CACNA1C: variants seen among roughly 807,000 people sequenced by gnomAD.
The protein encoded by CACNA1C is voltage-dependent L-type calcium channel subunit alpha-1C.
A neutral mutation model predicts 229.0 loss-of-function variants in CACNA1C; 30 were observed. That is an observed-to-expected ratio of 0.13 (90% CI 0.10 to 0.18). The LOEUF (loss-of-function observed/expected upper bound fraction) is 0.18. Ranked by LOEUF, CACNA1C falls within the 10% of genes least tolerant of loss-of-function variation. The probability of loss-of-function intolerance (pLI) is 1.00; values close to 1 mark genes in which losing one functional copy is unlikely to be tolerated. For missense variants in CACNA1C, 1,658 were observed against 2,845.0 expected (o/e 0.58, Z 9.49); for synonymous variants, 1,114 against 1,132.5 (o/e 0.98, Z 0.33).
intron 3 of CACNA1C, among the ~76,000 whole-genome samples, chr12:2,135,619 A>C (rs11062129): frequency 1.5e-5 from 2 of 134,418 alleles, no homozygotes; most frequent in South Asian, 2.3e-4. Flanking sequence ...TAGGCTGCTC[A>C]GGGGTCAGGG....
intron 3 of CACNA1C, among the ~76,000 whole-genome samples, chr12:2,286,150 C>T (rs1031036627): frequency 3.9e-5 from 6 of 152,170 alleles, no homozygotes; most frequent in East Asian, 1.9e-4. Flanking sequence ...TATACCTGGC[C>T]GGTTCTGTTT....
chr12:2,243,051 G>C (rs2071287647), intron 3 of CACNA1C, among the ~76,000 whole-genome samples: 1 of 152,164 alleles, frequency 6.6e-6, no homozygotes, highest in African/African-American at 2.4e-5. Flanking sequence ...TGAACTTTTG[G>C]ATAGAATGAG....
At chr12:2,509,828 C>T (rs138700528) in intron 8 of CACNA1C, among the ~76,000 whole-genome samples, 118 of 152,260 alleles carry the variant, frequency 7.7e-4, no homozygotes, top group African/African-American at 2.8e-3. Context: ...TTGGCCTCAG[C>T]GGGAACATGT....
intron 3 of CACNA1C, among the ~76,000 whole-genome samples, chr12:2,360,576 C>G (rs550625271): frequency 9.2e-5 from 14 of 152,312 alleles, no homozygotes; most frequent in African/African-American, 3.1e-4. Flanking sequence ...CCCTCAGACA[C>G]CACCGCTGCC....
intron 3 of CACNA1C, among the ~76,000 whole-genome samples, chr12:2,425,277 T>C (rs887474405): frequency 1.3e-5 from 2 of 152,206 alleles, no homozygotes; most frequent in African/African-American, 4.8e-5. Context: ...TAAGCAAAAA[T>C]AGGGAATATA....
intron 1 of CACNA1C, among the ~76,000 whole-genome samples, chr12:2,063,407 C>T (rs932640139): frequency 6.6e-6 from 1 of 152,254 alleles, no homozygotes; most frequent in Non-Finnish European, 1.5e-5. Flanking sequence ...GCTTGGCCTC[C>T]CAAAGTGCTG....
chr12:2,078,133 G>A (rs1239968800), intron 1 of CACNA1C, among the ~76,000 whole-genome samples: 1 of 152,130 alleles, frequency 6.6e-6, no homozygotes, highest in African/African-American at 2.4e-5. Context: ...CCTTCCTGAT[G>A]GGATTAGTGC....
intron 7 of CACNA1C, among the ~76,000 whole-genome samples, chr12:2,495,158 A>G (rs1421416686): frequency 6.6e-6 from 1 of 152,260 alleles, no homozygotes; most frequent in Non-Finnish European, 1.5e-5. Context: ...TTGGTTTTGA[A>G]TAATTTGTAA....
In CACNA1C at chr12:2,632,901, T is replaced by G. The variant is rs1042627292; in HGVS notation, c.3829-1396T>G. Among the ~76,000 whole-genome samples the G allele has an allele frequency of 6.6e-6, 1 of 152,156 alleles. No homozygotes were observed. The highest frequency in any genetic ancestry group is 6.5e-5 in the Admixed American group (1 of 15,286). On this transcript the variant is annotated intron_variant, in intron 29 of 46. Transcript: ENST00000399655. The surrounding 1 kb of genome is among the most constrained non-coding windows in gnomAD (Gnocchi z 4.1). ...GAGTAGGAGCCCAGCCTTGCCTCTG[T>G]CTCCTTTCCCTTAGGAAAGTCTTTG... is the stretch of plus-strand genomic sequence containing the variant.
chr12:2,295,411 C>T (rs1326432724), intron 3 of CACNA1C, among the ~76,000 whole-genome samples: 1 of 152,184 alleles, frequency 6.6e-6, no homozygotes, highest in Non-Finnish European at 1.5e-5. Context: ...AGTGAAACGT[C>T]CTTCCTTACT....
intron 1 of CACNA1C, among the ~76,000 whole-genome samples, chr12:1,981,700 C>T (rs2036184723): frequency 6.6e-6 from 1 of 152,092 alleles, no homozygotes; most frequent in African/African-American, 2.4e-5. Flanking sequence ...AACAAATGAG[C>T]AAAGCAAATA....
chr12:2,291,749 A>C (rs2093539697), intron 3 of CACNA1C, among the ~76,000 whole-genome samples: 1 of 152,188 alleles, frequency 6.6e-6, no homozygotes, highest in African/African-American at 2.4e-5. Flanking sequence ...CGAAGCAAGA[A>C]AGGTGAATGT....
intron 3 of CACNA1C, among the ~76,000 whole-genome samples, chr12:2,284,875 C>T (rs374168610): frequency 2.0e-5 from 3 of 152,250 alleles, no homozygotes; most frequent in South Asian, 4.1e-4. Flanking sequence ...CCCCAAACTT[C>T]ATTTTCCTTA....
chr12:2,099,868 G>C (rs1253428973), intron 1 of CACNA1C, among the ~76,000 whole-genome samples: 2 of 152,060 alleles, frequency 1.3e-5, no homozygotes, highest in African/African-American at 2.4e-5. Flanking sequence ...CTGAGAGTGT[G>C]ATGTTCATTA....
Position 2,159,151 on chromosome 12 carries a change from G to C in CACNA1C, c.477+38721G>C, listed in dbSNP as rs1030636190. 2.0e-5 allele frequency among the ~76,000 whole-genome samples: 3 copies of C among 152,132 alleles called. No individual in the cohort carries two copies. The South Asian group carries it at 6.2e-4, about 32-fold the overall frequency. On this transcript the variant is annotated intron_variant, in intron 3 of 46. Coordinates refer to ENST00000399655, the MANE Select transcript of CACNA1C (RefSeq NM_000719.7). ...TGGGGAGGGGGGTAAGAAGAGAACT[G>C]TGGATTTTTTTTCTTCAATGAACCT...
intron 3 of CACNA1C, among the ~76,000 whole-genome samples, chr12:2,123,391 A>T (rs2087983128): frequency 6.6e-6 from 1 of 151,522 alleles, no homozygotes; most frequent in South Asian, 2.1e-4. Context: ...AAAAAAAAAA[A>T]AAAAAAGGTT....
chr12:2,498,795 G>T (rs879469046), intron 7 of CACNA1C, among the ~76,000 whole-genome samples: 1 of 152,210 alleles, frequency 6.6e-6, no homozygotes, highest in Admixed American at 6.5e-5. Flanking sequence ...TTGGGAGGCC[G>T]CAGAGACCTG....
At chr12:2,447,934 A>G (rs2099315290) in intron 3 of CACNA1C, among the ~76,000 whole-genome samples, 2 of 152,234 alleles carry the variant, frequency 1.3e-5, no homozygotes, top group Admixed American at 1.3e-4. Flanking sequence ...CCTATGCCCG[A>G]ATGCAATGTG....
At chr12:2,080,376 T>G (rs951828003) in intron 1 of CACNA1C, among the ~76,000 whole-genome samples, 1 of 151,274 alleles carries the variant, frequency 6.6e-6, no homozygotes, top group African/African-American at 2.4e-5. Flanking sequence ...CTGAGGCGGG[T>G]GGATCACGAG....
Sources: allele counts gnomAD v4.1 joint callset (sites outside exome capture counted in the v4.1 genomes callset), GRCh38; gene constraint gnomAD v4.1.1; non-coding constraint Gnocchi (gnomAD v3.1); transcripts MANE v1.5; gene names NCBI Gene and HGNC (gene_info 2026-07-23, HGNC 2026-07-21).